EML5: variants seen among roughly 807,000 people sequenced by gnomAD.
The protein encoded by EML5 is EMAP like 5, also known as echinoderm microtubule-associated protein-like 5.
In EML5, 120 loss-of-function variants were observed where a neutral mutation model predicts 250.0. The observed-to-expected ratio is 0.48, with a 90% CI of 0.41 to 0.56. The LOEUF is 0.56. Ranked by LOEUF, EML5 falls within the 20% of genes least tolerant of loss-of-function variation. The pLI is 0.00. For missense variants in EML5, 2,006 were observed against 2,437.6 expected, an observed-to-expected ratio of 0.82 and a Z score of 3.73; for synonymous variants, 771 against 806.5, an observed-to-expected ratio of 0.96 and a Z score of 0.75.
chr14:88,661,556 C>CATATGTA, intron 25 of EML5, 98 bp downstream of exon 25: 97 of 1,014,602 alleles, frequency 9.6e-5, no homozygotes, highest in Non-Finnish European at 1.3e-4. Flanking sequence ...TTACATATTA[C>CATATGTA]ATATGTACAA....
chr14:88,710,050 C>T (rs1341577544), intron 10 of EML5, among the ~76,000 whole-genome samples: 1 of 152,142 alleles, frequency 6.6e-6, no homozygotes, highest in Non-Finnish European at 1.5e-5. Flanking sequence ...GCTAACGTAA[C>T]TCTGCCCTCA....
chr14:88,684,968 A>C, intron 20 of EML5, 47 bp downstream of exon 20: 1 of 1,514,060 alleles, frequency 6.6e-7, no homozygotes, highest in South Asian at 1.3e-5. Context: ...TATTGAAATA[A>C]TCAATTGTAT....
At chr14:88,619,596 T>G (rs1012252087) in intron 39 of EML5, 1 of 152,252 alleles carries the variant, frequency 6.6e-6, no homozygotes, top group Non-Finnish European at 1.5e-5. Flanking sequence ...GAAAAAACGT[T>G]GTCTTAATAT....
chr14:88,734,202 T>C (rs1349812979), intron 7 of EML5, among the ~76,000 whole-genome samples: 5 of 152,134 alleles, frequency 3.3e-5, no homozygotes, highest in African/African-American at 1.2e-4. Flanking sequence ...ACTTTTAAAA[T>C]TGGTAAATAT....
At chr14:88,621,555 A>C (rs753373479) in intron 37 of EML5, 7 of 507,606 alleles carry the variant, frequency 1.4e-5, no homozygotes, top group Non-Finnish European at 2.4e-5. Context: ...GTACACCTGG[A>C]TTCTTCAATA....
At chr14:88,769,539 T>C (rs1051574118) in intron 1 of EML5, among the ~76,000 whole-genome samples, 6 of 152,124 alleles carry the variant, frequency 3.9e-5, no homozygotes, top group African/African-American at 1.4e-4. Context: ...GAAAAGACAA[T>C]ATCTAAAAGG....
intron 8 of EML5, among the ~76,000 whole-genome samples, chr14:88,719,193 T>A (rs1270994135): frequency 6.6e-6 from 1 of 151,940 alleles, no homozygotes; most frequent in East Asian, 1.9e-4. Context: ...TGAGATCAAC[T>A]GGGCAAAATG....
chr14:88,679,090 T>C (rs1327910063), intron 21 of EML5, among the ~76,000 whole-genome samples: 1 of 151,292 alleles, frequency 6.6e-6, no homozygotes, highest in Admixed American at 6.6e-5. Flanking sequence ...TCTCCCAGTG[T>C]GTCTGTGTTC....
intron 30 of EML5, 42 bp from the exon 31 acceptor site, chr14:88,643,064 A>G (rs758180644): frequency 2.6e-6 from 4 of 1,523,830 alleles, no homozygotes; most frequent in Non-Finnish European, 3.5e-6. Flanking sequence ...TTCCTCATGT[A>G]TAAATGTTCA....
At chr14:88,752,139 AAAGT>A (rs1439144693) in intron 2 of EML5, among the ~76,000 whole-genome samples, 1 of 152,210 alleles carries the variant, frequency 6.6e-6, no homozygotes, top group Non-Finnish European at 1.5e-5. Context: ...TAAGTTGCTC[AAAGT>A]AAGTGAAATT....
chr14:88,666,145 T>C (rs181618167), intron 21 of EML5, among the ~76,000 whole-genome samples: 11 of 152,316 alleles, frequency 7.2e-5, no homozygotes, highest in Non-Finnish European at 1.5e-4. Flanking sequence ...GCCAATGATA[T>C]ATGTGGAAGT....
chr14:88,736,836 A>G (rs1276725888), intron 6 of EML5, among the ~76,000 whole-genome samples: 1 of 151,696 alleles, frequency 6.6e-6, no homozygotes, highest in Non-Finnish European at 1.5e-5. Context: ...TTTTTTTTAT[A>G]GTGTTGTGCC....
At position 88,792,566 on chromosome 14, in the gene EML5, C is replaced by T; in HGVS notation, c.-63G>A. On this transcript the variant is annotated 5_prime_UTR_variant, in exon 1 of 44. Transcript: ENST00000554922. This position sits in a 1 kb window ranked among gnomAD's most constrained non-coding sequence, Gnocchi z 6.9. ...GGCGGCGACGGGAGGCGGCGGCGGCCCGGCAACGAAAGCCCTCCCGCTGGC... is the reference window on the plus strand; with the variant it reads ...GGCGGCGACGGGAGGCGGCGGCGGCTCGGCAACGAAAGCCCTCCCGCTGGC... 1 of 1,213,504 alleles carries T rather than the reference C, an allele frequency of 8.2e-7. No homozygotes were observed. Among genetic ancestry groups the T allele is most frequent in the Non-Finnish European group, 1.0e-6 (1 of 971,842 alleles). 75.2% of individuals were successfully genotyped at this position (1,213,504 alleles called of 1,614,324 possible).
At chr14:88,686,321 G>A (rs1382271049) in intron 19 of EML5, among the ~76,000 whole-genome samples, 1 of 152,006 alleles carries the variant, frequency 6.6e-6, no homozygotes, top group Non-Finnish European at 1.5e-5. Context: ...GTTAACGGGT[G>A]CAGCACACCA....
At chr14:88,720,539 T>C (rs566572128) in intron 8 of EML5, among the ~76,000 whole-genome samples, 2 of 152,198 alleles carry the variant, frequency 1.3e-5, no homozygotes, top group Non-Finnish European at 1.5e-5. Flanking sequence ...TATGATTATC[T>C]TAATAGGTGC....
At chr14:88,666,381 C>T (rs538905417) in intron 21 of EML5, among the ~76,000 whole-genome samples, 2 of 151,950 alleles carry the variant, frequency 1.3e-5, no homozygotes, top group African/African-American at 4.8e-5. Context: ...CATGTGCCAC[C>T]AGGCCTGGCT....
At chr14:88,668,576 C>T (rs756843131) in intron 21 of EML5, among the ~76,000 whole-genome samples, 1 of 152,118 alleles carries the variant, frequency 6.6e-6, no homozygotes. Flanking sequence ...TATGGAGCTA[C>T]TGTCATGTGA....
At chr14:88,760,860 C>A (rs1382792253) in intron 1 of EML5, among the ~76,000 whole-genome samples, 1 of 152,104 alleles carries the variant, frequency 6.6e-6, no homozygotes, top group African/African-American at 2.4e-5. Flanking sequence ...TAGTATATAA[C>A]ATAGACCTTG....
At chr14:88,729,872 T>TTGG (rs1182588224) in intron 7 of EML5, among the ~76,000 whole-genome samples, 6 of 112,446 alleles carry the variant, frequency 5.3e-5, no homozygotes, top group African/African-American at 3.2e-4. Context: ...TGTTTTTTGT[T>TTGG]TTTTTTTTTT....
Sources: allele counts gnomAD v4.1 joint callset (sites outside exome capture counted in the v4.1 genomes callset), GRCh38; gene constraint gnomAD v4.1.1; non-coding constraint Gnocchi (gnomAD v3.1); transcripts MANE v1.5; gene names NCBI Gene and HGNC (gene_info 2026-07-23, HGNC 2026-07-21).